NRXN1: variants seen among roughly 807,000 people sequenced by gnomAD.
NRXN1 encodes the protein neurexin 1.
NRXN1 carries 39 observed loss-of-function variants against 150.9 expected under a neutral mutation model. The observed-to-expected ratio is 0.26, with a 90% CI of 0.20 to 0.34. The LOEUF (loss-of-function observed/expected upper bound fraction) is 0.34. Among genes scored for constraint, NRXN1 ranks in the 10% least tolerant of loss-of-function variants. NRXN1 has a pLI of 1.00. For synonymous variants in NRXN1, 924 were observed against 757.0 expected (o/e 1.22, Z -3.62); for missense variants, 1,815 against 1,949.9 (o/e 0.93, Z 1.30).
intron 12 of NRXN1, among the ~76,000 whole-genome samples, chr2:50,523,673 A>G (rs2092859810): frequency 6.6e-6 from 1 of 152,192 alleles, no homozygotes; most frequent in Non-Finnish European, 1.5e-5. Flanking sequence ...GGTAATACAA[A>G]GATCTTATTA....
chr2:50,786,261 T>A (rs558284840), intron 5 of NRXN1, among the ~76,000 whole-genome samples: 3 of 152,274 alleles, frequency 2.0e-5, no homozygotes, highest in Non-Finnish European at 2.9e-5. Flanking sequence ...AAGTGTGGCA[T>A]GATGCCGTCT....
At chr2:50,357,956 T>A (rs565405452) in intron 17 of NRXN1, among the ~76,000 whole-genome samples, 127 of 152,122 alleles carry the variant, frequency 8.3e-4, no homozygotes, top group Non-Finnish European at 1.5e-3. Flanking sequence ...GGGCGTCACA[T>A]GACCCAGGAA....
chr2:50,506,582 G>T lies in NRXN1; in HGVS notation c.2410C>A (p.Leu804Ile), dbSNP rs763449110. 7 of 1,613,238 alleles carry T rather than the reference G, an allele frequency of 4.3e-6. No homozygotes were observed. The East Asian group carries it at 6.7e-5, about 15-fold the overall frequency. The change falls in exon 13 of 23, where the codon CTC becomes ATC. Residue 804 changes from leucine to isoleucine, a missense_variant. Leu to Ile is a conservative substitution (Grantham distance 5). This residue lies in a region of NRXN1 where 638 missense variants were observed against 652.6 expected (regional missense o/e 0.98). Coordinates refer to ENST00000401669, the MANE Select transcript of NRXN1 (RefSeq NM_001330078.2). ...GPETLFAGYN[L>I]NDNEWHTVRV... The stretch of plus-strand genomic sequence containing the variant: ...ACTGTGTGCCACTCGTTATCATTGA[G>T]GTTATAGCCAGCAAAAAGAGTCTCG...
chr2:50,205,630 T>C (rs185516857), intron 18 of NRXN1, among the ~76,000 whole-genome samples: 1 of 152,234 alleles, frequency 6.6e-6, no homozygotes, highest in Admixed American at 6.6e-5. Context: ...AGCTAAGCAC[T>C]TTCCACACAA....
At chr2:50,716,948 A>C (rs1198642486) in intron 5 of NRXN1, among the ~76,000 whole-genome samples, 2 of 152,106 alleles carry the variant, frequency 1.3e-5, no homozygotes, top group Non-Finnish European at 2.9e-5. Context: ...CATTATGGCT[A>C]AATACTTATT....
intron 5 of NRXN1, among the ~76,000 whole-genome samples, chr2:50,911,778 A>G (rs865792575): frequency 1.3e-5 from 2 of 152,002 alleles, no homozygotes; most frequent in South Asian, 2.1e-4. Flanking sequence ...AAAAGTTGCC[A>G]CATATTCAAT....
chr2:50,999,980 T>C lies in NRXN1; in HGVS notation c.772+27522A>G, dbSNP rs1384291110. Among the ~76,000 whole-genome samples the C allele has an allele frequency of 7.2e-5, 11 of 152,060 alleles. 1 individual carries two copies. The highest frequency in any genetic ancestry group is 1.6e-4 in the Non-Finnish European group (11 of 67,980). On this transcript the variant is annotated intron_variant, in intron 2 of 22. Transcript: ENST00000401669. ...CTTTTCAAATACAAATGATTTTCTG[T>C]TGAATTTAGAATAAAATAGGAAGTT...
At chr2:50,299,243 A>G (rs1357886492) in intron 17 of NRXN1, among the ~76,000 whole-genome samples, 2 of 152,160 alleles carry the variant, frequency 1.3e-5, no homozygotes, top group East Asian at 1.9e-4. Flanking sequence ...CTGAATTTCT[A>G]TATCAGCTAG....
chr2:50,102,927 A>C (rs1701159436), intron 18 of NRXN1, among the ~76,000 whole-genome samples: 1 of 152,086 alleles, frequency 6.6e-6, no homozygotes, highest in South Asian at 2.1e-4. Context: ...AGGTTATGGA[A>C]TAATGCGTAA....
chr2:50,143,476 T>C (rs1707562864), intron 18 of NRXN1, among the ~76,000 whole-genome samples: 4 of 151,966 alleles, frequency 2.6e-5, no homozygotes, highest in Admixed American at 6.6e-5. Flanking sequence ...CTGATTTAAG[T>C]ATAATTAAAA....
At chr2:50,504,435 G>A (rs1399236866) in intron 13 of NRXN1, among the ~76,000 whole-genome samples, 6 of 152,258 alleles carry the variant, frequency 3.9e-5, no homozygotes, top group Non-Finnish European at 8.8e-5. Flanking sequence ...AGAGAGAAGA[G>A]ACAGTGAGAG....
intron 10 of NRXN1, among the ~76,000 whole-genome samples, chr2:50,534,983 T>C (rs2093217854): frequency 6.6e-6 from 1 of 152,134 alleles, no homozygotes; most frequent in South Asian, 2.1e-4. Context: ...AATAACATAG[T>C]AAAGTAATAA....
rs113474092 is a variant in NRXN1 at position 50,707,631 on chromosome 2, T to C, written c.833-84016A>G. 1.9e-3 allele frequency among the ~76,000 whole-genome samples: 290 copies of C among 152,288 alleles called. 4 individuals are homozygous for C. Among genetic ancestry groups the C allele is most frequent in the African/African-American group, 6.8e-3 (283 of 41,564 alleles). ...GGAAGCTGCTAGGGCATTTTCATTA[T>C]ATCCAGACTGGACTGCAGAACTCCT... On this transcript the variant is annotated intron_variant, in intron 5 of 22. Transcript: ENST00000401669.
At chr2:50,383,056 G>A (rs78329232) in intron 17 of NRXN1, among the ~76,000 whole-genome samples, 3,169 of 152,100 alleles carry the variant, frequency 0.021, 96 homozygotes, top group African/African-American at 0.071. Flanking sequence ...CAACTTGATC[G>A]TAAATAATAT....
At chr2:50,730,595 A>G (rs1697967870) in intron 5 of NRXN1, among the ~76,000 whole-genome samples, 1 of 152,002 alleles carries the variant, frequency 6.6e-6, no homozygotes, top group African/African-American at 2.4e-5. Context: ...ATTGTGATGT[A>G]ATGTATTGGT....
intron 21 of NRXN1, among the ~76,000 whole-genome samples, chr2:49,980,006 C>T (rs1182712203): frequency 6.7e-6 from 1 of 149,838 alleles, no homozygotes; most frequent in African/African-American, 2.5e-5. Flanking sequence ...AGAAACAAAA[C>T]ATCTGTGGCC....
chr2:50,294,181 A>G (rs1285586783), intron 17 of NRXN1, among the ~76,000 whole-genome samples: 1 of 152,198 alleles, frequency 6.6e-6, no homozygotes, highest in Non-Finnish European at 1.5e-5. Context: ...CAATTTATGG[A>G]GTAAAATAAA....
chr2:50,687,720 C>CA (rs1574102722), intron 5 of NRXN1, among the ~76,000 whole-genome samples: 3 of 152,296 alleles, frequency 2.0e-5, no homozygotes. Flanking sequence ...TTAGATTGGG[C>CA]AACCGCGTTA....
At chr2:50,013,993 G>A (rs1199688874) in intron 21 of NRXN1, among the ~76,000 whole-genome samples, 1 of 152,028 alleles carries the variant, frequency 6.6e-6, no homozygotes, top group Non-Finnish European at 1.5e-5. Flanking sequence ...CTCAAAGAAG[G>A]GAAGCAATGT....
Sources: gnomAD v4.1 joint callset for allele counts (sites outside exome capture counted in the v4.1 genomes callset) on GRCh38, gnomAD v4.1.1 for gene constraint, gnomAD v4.1.1 regional missense constraint, MANE v1.5 for transcripts, NCBI Gene and HGNC (gene_info 2026-07-23, HGNC 2026-07-21) for gene names.